GABRB1: variants seen among roughly 807,000 people sequenced by gnomAD.
GABRB1 encodes the protein gamma-aminobutyric acid type A receptor subunit beta1.
Under a neutral mutation model 51.6 loss-of-function variants are expected in GABRB1, and 17 were observed. That is an observed-to-expected ratio of 0.33 (90% CI 0.23 to 0.49). GABRB1 has a LOEUF of 0.49. GABRB1 is among the 20% of genes least tolerant of loss of function. The pLI is 0.99. For synonymous variants in GABRB1, 247 were observed against 218.9 expected (o/e 1.13, Z -1.14); for missense variants, 410 against 600.6 (o/e 0.68, Z 3.32).
intron 3 of GABRB1, among the ~76,000 whole-genome samples, chr4:47,157,685 A>G (rs910447198): frequency 2.0e-5 from 3 of 152,132 alleles, no homozygotes; most frequent in African/African-American, 7.2e-5. Context: ...GTGGCTTTAT[A>G]TAGATTGTAG....
chr4:47,273,860 T>TACACACAC (rs1553869398), intron 4 of GABRB1, among the ~76,000 whole-genome samples: 1 of 48,678 alleles, frequency 2.1e-5, no homozygotes, highest in Non-Finnish European at 3.9e-5. Flanking sequence ...AAACCATATA[T>TACACACAC]ACATACACAC....
At chr4:47,329,723 G>C (rs1308685213) in intron 5 of GABRB1, among the ~76,000 whole-genome samples, 3 of 148,110 alleles carry the variant, frequency 2.0e-5, no homozygotes, top group East Asian at 1.9e-4. Context: ...ATGATACATA[G>C]CTATCAATAC....
At chr4:47,240,601 A>C (rs1387002235) in intron 4 of GABRB1, among the ~76,000 whole-genome samples, 4 of 152,236 alleles carry the variant, frequency 2.6e-5, no homozygotes, top group Admixed American at 6.5e-5. Context: ...ATAGCTCAGC[A>C]GTGAAAGGAG....
In GABRB1 at chr4:47,370,284, C is replaced by T. The variant is rs548203323; in HGVS notation, c.545-33034C>T. On this transcript the variant is annotated intron_variant, in intron 5 of 8. Transcript: ENST00000295454. Reference sequence around the variant, plus strand: ...CGAGTGGATCACAAAGTCAGGAGTTCGAGACCAGCCTGGACAACATGGTGA... The same window carrying T: ...CGAGTGGATCACAAAGTCAGGAGTTTGAGACCAGCCTGGACAACATGGTGA... 3.3e-5 allele frequency among the ~76,000 whole-genome samples: 5 copies of T among 152,112 alleles called. No homozygotes were observed. The East Asian group carries it at 7.7e-4, about 24-fold the overall frequency.
intron 3 of GABRB1, among the ~76,000 whole-genome samples, chr4:47,095,387 C>T (rs1226266069): frequency 1.3e-5 from 2 of 151,944 alleles, no homozygotes; most frequent in Non-Finnish European, 2.9e-5. Context: ...AGGAGAAAGG[C>T]CCAGAACAAG....
Position 47,210,755 on chromosome 4 carries a change from A to G in GABRB1, c.461+49286A>G, listed in dbSNP as rs532254715. 1.1e-3 allele frequency among the ~76,000 whole-genome samples: 164 copies of G among 152,288 alleles called. 2 individuals carry two copies. The highest frequency in any genetic ancestry group is 3.4e-3 in the African/African-American group (140 of 41,564). On this transcript the variant is annotated intron_variant, in intron 4 of 8. Transcript: ENST00000295454. ...TGAACCAGACACTGTGTCAGTTGTT[A>G]AAGACATAGAGAAAATGAACATAGT... is the stretch of plus-strand genomic sequence containing the variant.
At chr4:47,224,435 G>A (rs993293212) in intron 4 of GABRB1, among the ~76,000 whole-genome samples, 1 of 152,066 alleles carries the variant, frequency 6.6e-6, no homozygotes, top group East Asian at 1.9e-4. Flanking sequence ...GAAAAAGTGA[G>A]GATTTGCAAC....
chr4:47,369,673 T>A lies in GABRB1; in HGVS notation c.545-33645T>A, dbSNP rs571368346. ...AATCTCTTTGGGCCTTAGTTTTCAC[T>A]TGGCAAACTAAGGAAGCCAATTTCC... On this transcript the variant is annotated intron_variant, in intron 5 of 8. Transcript: ENST00000295454. Among the ~76,000 whole-genome samples the A allele has an allele frequency of 7.2e-5, 11 of 152,302 alleles. 1 individual carries two copies. In the East Asian group the frequency reaches 2.1e-3, roughly 29 times the overall value.
rs189293275 is a variant in GABRB1 at position 47,245,455 on chromosome 4, C to A, written c.462-74672C>A. 1.4e-3 allele frequency among the ~76,000 whole-genome samples: 220 copies of A among 152,198 alleles called. 1 individual carries two copies. Among genetic ancestry groups the A allele is most frequent in the African/African-American group, 5.1e-3 (210 of 41,548 alleles). On this transcript the variant is annotated intron_variant, in intron 4 of 8. Transcript: ENST00000295454. The stretch of plus-strand genomic sequence containing the variant: ...CACACAAGGAACTGAGTTTTCCTTG[C>A]TCCCTGGAAAAGATTTTAGGGACTC...
chr4:47,160,827 C>G (rs920680541), intron 3 of GABRB1, among the ~76,000 whole-genome samples: 9 of 151,802 alleles, frequency 5.9e-5, no homozygotes, highest in Non-Finnish European at 1.3e-4. Flanking sequence ...TGCTCCATCA[C>G]CCAGGCTGGA....
At chr4:47,293,254 G>A (rs1001825831) in intron 4 of GABRB1, among the ~76,000 whole-genome samples, 5 of 152,058 alleles carry the variant, frequency 3.3e-5, no homozygotes, top group African/African-American at 1.2e-4. Flanking sequence ...TGATTCTCCT[G>A]CCTCAGCCTC....
intron 3 of GABRB1, among the ~76,000 whole-genome samples, chr4:47,104,061 A>G (rs1714840272): frequency 6.6e-6 from 1 of 151,826 alleles, no homozygotes; most frequent in South Asian, 2.1e-4. Context: ...AAATTTTTTA[A>G]GAGTTTCCTT....
intron 1 of GABRB1, among the ~76,000 whole-genome samples, chr4:46,994,721 T>C (rs1486846074): frequency 6.6e-6 from 1 of 152,202 alleles, no homozygotes; most frequent in Non-Finnish European, 1.5e-5. Flanking sequence ...GAAAAGCGTC[T>C]TTCAAATTAG....
chr4:47,267,677 C>A (rs530138906), intron 4 of GABRB1, among the ~76,000 whole-genome samples: 1 of 152,224 alleles, frequency 6.6e-6, no homozygotes, highest in African/African-American at 2.4e-5. Flanking sequence ...CGGCTGTAAT[C>A]TCAGCTACTC....
intron 3 of GABRB1, among the ~76,000 whole-genome samples, chr4:47,068,230 T>G (rs1361640451): frequency 6.6e-6 from 1 of 152,216 alleles, no homozygotes; most frequent in African/African-American, 2.4e-5. Flanking sequence ...AAAGTAATGT[T>G]GTGGCTGATT....
intron 4 of GABRB1, among the ~76,000 whole-genome samples, chr4:47,242,555 C>T (rs888730023): frequency 1.3e-5 from 2 of 152,136 alleles, no homozygotes; most frequent in Non-Finnish European, 2.9e-5. Context: ...CCTGTTGTTT[C>T]CTGACTTTTT....
chr4:47,218,548 C>T (rs991285693), intron 4 of GABRB1, among the ~76,000 whole-genome samples: 1 of 151,810 alleles, frequency 6.6e-6, no homozygotes, highest in African/African-American at 2.4e-5. Context: ...GAGATGATAT[C>T]TCATTGTGGA....
intron 3 of GABRB1, among the ~76,000 whole-genome samples, chr4:47,112,712 G>C (rs6447532): frequency 0.33 from 50,646 of 151,528 alleles, 8,776 homozygotes; most frequent in Middle Eastern, 0.44. Context: ...TCTTTATTAA[G>C]TGCCTACCTT....
intron 3 of GABRB1, among the ~76,000 whole-genome samples, chr4:47,048,793 A>G (rs1365323669): frequency 6.6e-6 from 1 of 152,140 alleles, no homozygotes; most frequent in Admixed American, 6.6e-5. Flanking sequence ...TCAGAGTCAG[A>G]CTTCTAACCC....
Sources: gnomAD v4.1 joint callset for allele counts (sites outside exome capture counted in the v4.1 genomes callset) on GRCh38, gnomAD v4.1.1 for gene constraint, MANE v1.5 for transcripts, NCBI Gene and HGNC (gene_info 2026-07-23, HGNC 2026-07-21) for gene names.